The following WAPL variants were observed in gnomAD, a reference collection of about 807,000 sequenced individuals.
WAPL encodes the protein WAPL cohesin release factor.
A neutral mutation model predicts 121.0 loss-of-function variants in WAPL; 5 were observed. The observed-to-expected ratio is 0.04, with a 90% CI of 0.02 to 0.09. The LOEUF is 0.09. WAPL is among the 10% of genes least tolerant of loss of function. The probability of loss-of-function intolerance (pLI) is 1.00; values close to 1 mark genes in which losing one functional copy is unlikely to be tolerated. For synonymous variants in WAPL, 480 were observed against 481.5 expected, an observed-to-expected ratio of 1.00 and a Z score of 0.04; for missense variants, 999 against 1,410.8, an observed-to-expected ratio of 0.71 and a Z score of 4.68.
chr10:86,521,288 C>T, intron 1 of WAPL, 77 bp downstream of exon 1: 1 of 244,292 alleles, frequency 4.1e-6, no homozygotes, highest in South Asian at 4.0e-5. Flanking sequence ...AGACTTCCAC[C>T]GCCCGCTCCC....
chr10:86,461,099 T>C (rs756073061), intron 10 of WAPL, 77 bp downstream of exon 10: 54 of 1,087,900 alleles, frequency 5.0e-5, no homozygotes, highest in Non-Finnish European at 6.6e-5. Context: ...TACAATTATT[T>C]TTTGAAGTAC....
At chr10:86,502,420 T>C (rs1375835494) in intron 2 of WAPL, among the ~76,000 whole-genome samples, 2 of 152,182 alleles carry the variant, frequency 1.3e-5, no homozygotes, top group African/African-American at 2.4e-5. Context: ...AATGCCAAAA[T>C]TGTATATTTT....
chr10:86,451,943 T>G (rs755196004), intron 15 of WAPL, 24 bp downstream of exon 15: 101 of 1,607,724 alleles, frequency 6.3e-5, no homozygotes, highest in Non-Finnish European at 8.0e-5. Flanking sequence ...CAGTTATGAG[T>G]TTGTTTTTAA....
intron 14 of WAPL, 58 bp from the exon 15 acceptor site, chr10:86,452,189 A>G: frequency 6.7e-7 from 1 of 1,499,394 alleles, no homozygotes; most frequent in East Asian, 2.3e-5. Context: ...ACAAATGAAC[A>G]CAATATACAC....
rs1849312601 is a variant in WAPL, at chr10:86,436,032, G to A, written c.*1511C>T. ...AGGTGATGGGTAGGGGTTGGGGTGG[G>A]TAGAAGGAAGAAAACAATTTGCCTG... is the stretch of plus-strand genomic sequence containing the variant. On this transcript the variant is annotated 3_prime_UTR_variant, in exon 19 of 19. Coordinates refer to ENST00000298767, the MANE Select transcript of WAPL (RefSeq NM_015045.5). 1 of 152,520 alleles carries A rather than the reference G, an allele frequency of 6.6e-6. No homozygotes were observed. The highest frequency in any genetic ancestry group is 1.5e-5 in the Non-Finnish European group (1 of 68,028). The allele number at this position is 152,520 out of a possible 1,614,324, so 9.4% of individuals were successfully genotyped here. A position where few individuals can be genotyped will look rare whatever the true frequency, so the allele number is the denominator to read the frequency against.
At chr10:86,446,734 A>C (rs1849630369) in intron 15 of WAPL, among the ~76,000 whole-genome samples, 1 of 152,350 alleles carries the variant, frequency 6.6e-6, no homozygotes, top group Non-Finnish European at 1.5e-5. Flanking sequence ...AAGCAAAAAA[A>C]TACAAAATTG....
intron 11 of WAPL, among the ~76,000 whole-genome samples, chr10:86,459,828 T>C (rs1038836939): frequency 1.1e-4 from 16 of 152,262 alleles, no homozygotes; most frequent in Non-Finnish European, 1.3e-4. Context: ...CAATAAAGAT[T>C]GGAGGGGCCC....
chr10:86,467,515 G>C lies in WAPL; in HGVS notation c.2143-9C>G. ...GTACAGAGGGACAGATTCTTCAACA[G>C]GCCAAAAAAAGAAAAGAAAAAAAAC... On this transcript the variant is annotated splice_polypyrimidine_tract_variant and intron_variant, in intron 8 of 18. Coordinates refer to ENST00000298767, the MANE Select transcript of WAPL (RefSeq NM_015045.5). 6.3e-7 allele frequency: 1 copy of C among 1,576,430 alleles called. No homozygotes were observed. The highest frequency in any genetic ancestry group is 1.2e-5 in the South Asian group (1 of 83,796).
At chr10:86,515,400 C>T (rs1842536452) in intron 2 of WAPL, among the ~76,000 whole-genome samples, 1 of 152,100 alleles carries the variant, frequency 6.6e-6, no homozygotes, top group African/African-American at 2.4e-5. Context: ...CATTCCAGTT[C>T]TGCCACTAGC....
At chr10:86,516,746 T>C (rs1383336453) in intron 2 of WAPL, among the ~76,000 whole-genome samples, 1 of 152,126 alleles carries the variant, frequency 6.6e-6, no homozygotes, top group Non-Finnish European at 1.5e-5. Flanking sequence ...AGATGCTATA[T>C]TTACAAATTA....
chr10:86,473,910 C>T lies in WAPL; in HGVS notation c.1708G>A (p.Gly570Arg). Residue 570 changes from glycine (G) to arginine (R), a missense_variant, in exon 5 of 19, where the codon GGG (glycine) becomes AGG (arginine). By Grantham distance (125) the Gly-to-Arg change is moderately radical (BLOSUM62 -2). Transcript: ENST00000298767. Reference sequence around the variant, plus strand: ...CTCTGAGGTTTTACTACTGGTGGCCCAGGCAGTTCTTCTGAATCTGGATGA... The same window carrying T: ...CTCTGAGGTTTTACTACTGGTGGCCTAGGCAGTTCTTCTGAATCTGGATGA... ...WNHPDSEELP[G>R]PPVVKPQSVT... is the part of the protein sequence containing the mutation. 1.2e-6 allele frequency: 2 copies of T among 1,613,950 alleles called. No homozygotes were observed. The highest frequency in any genetic ancestry group is 1.7e-6 in the Non-Finnish European group (2 of 1,179,942).
chr10:86,480,530 T>A (rs998324146), intron 4 of WAPL, among the ~76,000 whole-genome samples: 1 of 152,170 alleles, frequency 6.6e-6, no homozygotes, highest in African/African-American at 2.4e-5. Context: ...TCAGCTAAAA[T>A]AACAGTTCTC....
intron 2 of WAPL, among the ~76,000 whole-genome samples, chr10:86,503,134 G>A (rs1022049565): frequency 6.6e-6 from 1 of 151,898 alleles, no homozygotes; most frequent in East Asian, 1.9e-4. Flanking sequence ...CTCCAACCTG[G>A]GCAAAAGAGC....
intron 2 of WAPL, among the ~76,000 whole-genome samples, chr10:86,507,025 A>C (rs1190722623): frequency 2.0e-5 from 3 of 151,682 alleles, no homozygotes; most frequent in Admixed American, 6.6e-5. Context: ...CTAAACAAAT[A>C]ATAATAAAAA....
At chr10:86,488,659 ATTTAAATAAATACAGT>A (rs1841977272) in intron 4 of WAPL, 1 of 152,262 alleles carries the variant, frequency 6.6e-6, no homozygotes, top group African/African-American at 2.4e-5. Flanking sequence ...CAGAACTATG[ATTTAAATAAATACAGT>A]AACAAATGAC....
At chr10:86,457,339 A>AAAAG (rs1841173297) in intron 12 of WAPL, among the ~76,000 whole-genome samples, 2 of 151,060 alleles carry the variant, frequency 1.3e-5, no homozygotes, top group South Asian at 4.2e-4. Flanking sequence ...AAAAAAAAAA[A>AAAAG]AAAAAAGAGA....
chr10:86,509,765 GTT>G (rs11307100), intron 2 of WAPL, among the ~76,000 whole-genome samples: 91 of 117,662 alleles, frequency 7.7e-4, no homozygotes, highest in East Asian at 1.0e-3. Context: ...AAGCTCTTTG[GTT>G]TTTTTTTTTT....
intron 15 of WAPL, among the ~76,000 whole-genome samples, chr10:86,451,170 G>T (rs1049734708): frequency 6.6e-6 from 1 of 151,646 alleles, no homozygotes; most frequent in Non-Finnish European, 1.5e-5. Context: ...TGAACTCCTG[G>T]ACTCAAGTGA....
At chr10:86,481,865 A>T (rs1447419009) in intron 4 of WAPL, among the ~76,000 whole-genome samples, 1 of 152,050 alleles carries the variant, frequency 6.6e-6, no homozygotes, top group Non-Finnish European at 1.5e-5. Context: ...AAAAAAAAGT[A>T]AGAATGGAAA....
Sources: allele counts gnomAD v4.1 joint callset (sites outside exome capture counted in the v4.1 genomes callset), GRCh38; gene constraint gnomAD v4.1.1; transcripts MANE v1.5; gene names NCBI Gene and HGNC (gene_info 2026-07-23, HGNC 2026-07-21).